The following NRXN3 variants were observed in gnomAD, a reference collection of about 807,000 sequenced individuals.
NRXN3 encodes the protein neurexin III.
A neutral mutation model predicts 137.6 loss-of-function variants in NRXN3; 32 were observed. The observed-to-expected ratio is 0.23, with a 90% CI of 0.18 to 0.31. The LOEUF is 0.31. NRXN3 is among the 10% of genes least tolerant of loss of function. The pLI, the probability that NRXN3 is intolerant of heterozygous loss-of-function variation, is 1.00. For synonymous variants in NRXN3, 798 were observed against 784.5 expected, an observed-to-expected ratio of 1.02 and a Z score of -0.29; for missense variants, 1,574 against 2,062.5, an observed-to-expected ratio of 0.76 and a Z score of 4.59.
intron 4 of NRXN3, among the ~76,000 whole-genome samples, chr14:78,305,637 GA>G (rs1248797709): frequency 2.6e-5 from 4 of 152,168 alleles, no homozygotes; most frequent in Admixed American, 6.5e-5. Flanking sequence ...TGAGAGCCTT[GA>G]AAATAAGTTA....
chr14:78,519,327 A>C (rs1566616434), intron 4 of NRXN3, among the ~76,000 whole-genome samples: 2 of 152,146 alleles, frequency 1.3e-5, no homozygotes, highest in Non-Finnish European at 2.9e-5. Context: ...GTAATGATCA[A>C]ATCCCCCACA....
chr14:79,831,175 A>G (rs77910270), intron 20 of NRXN3, among the ~76,000 whole-genome samples: 4,199 of 152,320 alleles, frequency 0.028, 68 homozygotes, highest in Middle Eastern at 0.075. Context: ...CGCTTGCTTT[A>G]TCACCAGCTG....
rs1186987627 is a variant in NRXN3 at position 78,872,760 on chromosome 14, T to C, written c.2275+62416T>C. 2.6e-5 allele frequency among the ~76,000 whole-genome samples: 4 copies of C among 152,318 alleles called. No individual in the cohort carries two copies. The South Asian group carries it at 6.2e-4, about 24-fold the overall frequency. The stretch of plus-strand genomic sequence containing the variant: ...TTTAGTAATTCAGTTTCTGAAGTCT[T>C]AGTTTTCTCTCTGTGCGTTTTCTGC... On this transcript the variant is annotated intron_variant, in intron 10 of 20. Coordinates refer to ENST00000335750, the MANE Select transcript of NRXN3 (RefSeq NM_001330195.2).
chr14:78,559,212 C>T (rs553616451), intron 4 of NRXN3, among the ~76,000 whole-genome samples: 10 of 152,282 alleles, frequency 6.6e-5, no homozygotes, highest in African/African-American at 2.4e-4. Context: ...AATGCATATA[C>T]CCTTGTAAGA....
chr14:79,701,882 A>G (rs2098755998), intron 19 of NRXN3, among the ~76,000 whole-genome samples: 1 of 152,094 alleles, frequency 6.6e-6, no homozygotes, highest in Admixed American at 6.6e-5. Flanking sequence ...CTGAGTTGAT[A>G]TAAGTAAAAT....
intron 10 of NRXN3, among the ~76,000 whole-genome samples, chr14:78,950,839 T>TTA (rs527427059): frequency 5.6e-4 from 85 of 152,292 alleles, no homozygotes; most frequent in Middle Eastern, 3.4e-3. Context: ...CGGGAGCTGG[T>TTA]TATCAAGTGT....
At chr14:78,504,892 A>G (rs1365469916) in intron 4 of NRXN3, among the ~76,000 whole-genome samples, 1 of 152,134 alleles carries the variant, frequency 6.6e-6, no homozygotes, top group Non-Finnish European at 1.5e-5. Flanking sequence ...TTACTAGGCC[A>G]TTCCATCCGG....
chr14:78,913,233 T>TTCTTTTC (rs1476415024), intron 10 of NRXN3, among the ~76,000 whole-genome samples: 1 of 151,254 alleles, frequency 6.6e-6, no homozygotes, highest in Non-Finnish European at 1.5e-5. Flanking sequence ...TTTTTCTTTT[T>TTCTTTTC]TCTTTTCCTT....
At chr14:78,551,838 C>A (rs1444189092) in intron 4 of NRXN3, among the ~76,000 whole-genome samples, 1 of 151,874 alleles carries the variant, frequency 6.6e-6, no homozygotes, top group Non-Finnish European at 1.5e-5. Flanking sequence ...GTGGGCTTAT[C>A]AAAGTATTTT....
chr14:78,175,604 G>C (rs1873402871), intron 1 of NRXN3, among the ~76,000 whole-genome samples: 3 of 152,172 alleles, frequency 2.0e-5, no homozygotes, highest in African/African-American at 7.2e-5. Context: ...TCTGAGCCTT[G>C]AGGGCCAGCT....
Position 78,651,258 on chromosome 14 carries a change from G to GGAA in NRXN3, c.1155_1157dup (p.Gly385_Ser386insArg). ...CTCGGACGACTTCTTCTATGTAGGA[G>GGAA]GAAGCCCAAGTACCGCTGACTTGCC... is the stretch of plus-strand genomic sequence containing the variant. On this transcript the variant is annotated inframe_insertion, in exon 6 of 21. Transcript: ENST00000335750. 3.1e-6 allele frequency: 5 copies of GGAA among 1,614,052 alleles called. No individual in the cohort carries two copies. Among genetic ancestry groups the GGAA allele is most frequent in the Non-Finnish European group, 2.5e-6 (3 of 1,179,972 alleles).
At chr14:78,502,790 A>G (rs12586887) in intron 4 of NRXN3, among the ~76,000 whole-genome samples, 63,380 of 151,998 alleles carry the variant, frequency 0.42, 13,402 homozygotes, top group East Asian at 0.51. Context: ...GGAAATTTCA[A>G]AGTGCTCAAA....
chr14:78,386,555 G>T (rs535603125), intron 4 of NRXN3, among the ~76,000 whole-genome samples: 2 of 152,290 alleles, frequency 1.3e-5, no homozygotes, highest in Admixed American at 1.3e-4. Context: ...CTAGCATGAT[G>T]ATGCCTTACA....
At chr14:78,292,522 G>A (rs909614874) in intron 3 of NRXN3, among the ~76,000 whole-genome samples, 10 of 152,192 alleles carry the variant, frequency 6.6e-5, no homozygotes, top group Non-Finnish European at 8.8e-5. Flanking sequence ...CAGACATCCT[G>A]TTGGGATCCA....
intron 15 of NRXN3, among the ~76,000 whole-genome samples, chr14:79,153,838 C>A: frequency 6.6e-6 from 1 of 151,636 alleles, no homozygotes; most frequent in African/African-American, 2.4e-5. Context: ...TGGTAGGAAC[C>A]CAGAAGAGAA....
At position 78,354,349 on chromosome 14, in the gene NRXN3, G is replaced by C. The variant is rs2083965506; in HGVS notation, c.757+56489G>C. 2.0e-5 allele frequency among the ~76,000 whole-genome samples: 3 copies of C among 152,268 alleles called. No individual in the cohort carries two copies. The South Asian group carries it at 6.2e-4, about 32-fold the overall frequency. On this transcript the variant is annotated intron_variant, in intron 4 of 20. Coordinates refer to ENST00000335750, the MANE Select transcript of NRXN3 (RefSeq NM_001330195.2). ...GTCTCTTGATGAGAGAAGTATGAAA[G>C]AATATGTGGTTGCCACACTTCCTTT...
intron 15 of NRXN3, among the ~76,000 whole-genome samples, chr14:79,082,643 G>C (rs1195719606): frequency 6.6e-6 from 1 of 152,066 alleles, no homozygotes; most frequent in African/African-American, 2.4e-5. Context: ...AACACAGAAT[G>C]ATCAGTGGAA....
At chr14:78,879,550 T>A (rs980681663) in intron 10 of NRXN3, among the ~76,000 whole-genome samples, 6 of 152,358 alleles carry the variant, frequency 3.9e-5, no homozygotes, top group African/African-American at 1.4e-4. Context: ...TTAGATCCTT[T>A]GCTTATTTTT....
In NRXN3 at chr14:79,263,894, T is replaced by C. The variant is rs183672448; in HGVS notation, c.3263-203327T>C. On this transcript the variant is annotated intron_variant, in intron 15 of 20. Transcript: ENST00000335750. ...AGGTGGGCAAAGAGGTGACTCTCTT[T>C]ATAGCAGTACCTTGAACTCCAAGCT... Among the ~76,000 whole-genome samples, 5 of 152,198 alleles carry C rather than the reference T, an allele frequency of 3.3e-5. No individual in the cohort carries two copies. The East Asian group carries it at 7.8e-4, about 24-fold the overall frequency.
Sources: allele counts gnomAD v4.1 joint callset (sites outside exome capture counted in the v4.1 genomes callset), GRCh38; gene constraint gnomAD v4.1.1; transcripts MANE v1.5; gene names NCBI Gene and HGNC (gene_info 2026-07-23, HGNC 2026-07-21).